SLC25A25: variants seen among roughly 807,000 people sequenced by gnomAD.
SLC25A25 encodes the protein solute carrier family 25 member 25, also known as mitochondrial adenyl nucleotide antiporter SLC25A25.
In SLC25A25, 32 loss-of-function variants were observed where a neutral mutation model predicts 57.7. The ratio of observed to expected loss-of-function variants is 0.55; its 90% CI spans 0.42 to 0.74. The LOEUF (loss-of-function observed/expected upper bound fraction) is 0.74. SLC25A25 is among the 30% of genes least tolerant of loss of function. SLC25A25 has a pLI of 0.00. For synonymous variants in SLC25A25, 306 were observed against 291.2 expected (o/e 1.05, Z -0.52); for missense variants, 556 against 701.3 (o/e 0.79, Z 2.34).
At chr9:128,072,779 G>A (rs139735056) in intron 1 of SLC25A25, among the ~76,000 whole-genome samples, 1 of 152,366 alleles carries the variant, frequency 6.6e-6, no homozygotes, top group Admixed American at 6.5e-5. Flanking sequence ...GACTCAGCCA[G>A]AGCTAATTAT....
intron 1 of SLC25A25, among the ~76,000 whole-genome samples, chr9:128,096,960 CTCT>C (rs1269035512): frequency 6.6e-6 from 1 of 152,230 alleles, no homozygotes; most frequent in Non-Finnish European, 1.5e-5. Flanking sequence ...GTTATCAGAT[CTCT>C]GTTAGAAGGC....
At chr9:128,083,227 CAAAA>C (rs1190331501) in intron 1 of SLC25A25, among the ~76,000 whole-genome samples, 2 of 62,820 alleles carry the variant, frequency 3.2e-5, no homozygotes, top group Non-Finnish European at 9.7e-5. Flanking sequence ...GACTCCGTCT[CAAAA>C]AAAAAAAATA....
chr9:128,076,339 C>T (rs1339935331), intron 1 of SLC25A25, among the ~76,000 whole-genome samples: 2 of 151,952 alleles, frequency 1.3e-5, no homozygotes, highest in African/African-American at 4.8e-5. Context: ...CTATGTTGCT[C>T]AGGCTGGTCT....
chr9:128,100,729 C>T, intron 1 of SLC25A25: 1 of 227,540 alleles, frequency 4.4e-6, no homozygotes, highest in Non-Finnish European at 8.7e-6. Flanking sequence ...GACGGCGCTG[C>T]AGCGAAGCCA....
In SLC25A25 at chr9:128,102,637, C is replaced by T. The variant is rs542105528; in HGVS notation, c.624+156C>T. Among the ~76,000 whole-genome samples, 8 of 152,280 alleles carry T rather than the reference C, an allele frequency of 5.3e-5. No homozygotes were observed. The South Asian group carries it at 1.0e-3, about 20-fold the overall frequency. ...CTTCTGCCAGCCCAGTAGAGCTGTC[C>T]GCATGTTCCCCATGTTCTGGCACTC... On this transcript the variant is annotated intron_variant, in intron 5 of 10. Coordinates refer to ENST00000373069, the MANE Select transcript of SLC25A25 (RefSeq NM_001330988.2). The surrounding 1 kb of genome is among the most constrained non-coding windows in gnomAD (Gnocchi z 4.1).
chr9:128,068,469 G>A lies in SLC25A25; in HGVS notation c.150G>A (p.Leu50=). 3 of 1,553,140 alleles carry A rather than the reference G, an allele frequency of 1.9e-6. No homozygotes were observed. The highest frequency in any genetic ancestry group is 1.9e-5 in the Admixed American group (1 of 53,176). ...GGGGCCCGGACCACCGGCTGCGCCT[G>A]TGGAGACTCTTTCAGACGCTCGACG... ...ICGGPDHRLR[L]WRLFQTLDVN... is the part of the protein sequence containing the mutation. The change falls in exon 1 of 11, where the codon CTG becomes CTA. Residue 50 remains leucine, a synonymous_variant. Transcript: ENST00000373069.
rs1588787221 is a variant in SLC25A25, at chr9:128,102,541, C to G, written c.624+60C>G. The G allele has an allele frequency of 1.5e-6, 2 of 1,360,312 alleles. No homozygotes were observed. The highest frequency in any genetic ancestry group is 2.1e-6 in the Non-Finnish European group (2 of 972,536). The allele number at this position is 1,360,312 out of a possible 1,614,324, so 84.3% of individuals were successfully genotyped here. A position where few individuals can be genotyped will look rare whatever the true frequency, so the allele number is the denominator to read the frequency against. On this transcript the variant is annotated intron_variant, in intron 5 of 10. Transcript: ENST00000373069. The surrounding 1 kb of genome is among the most constrained non-coding windows in gnomAD (Gnocchi z 4.1). ...CCAGGGACCCTTAGCCCAGAGTCAC[C>G]CAGTCGTCCCCATCCCAGAGTGCAG...
chr9:128,107,534 T>C lies in SLC25A25; in HGVS notation c.*90T>C, dbSNP rs993220460. The C allele has an allele frequency of 3.5e-6, 5 of 1,427,342 alleles. No individual in the cohort carries two copies. The African/African-American group carries it at 7.1e-5, about 20-fold the overall frequency. The allele number at this position is 1,427,342 out of a possible 1,614,324, so 88.4% of individuals were successfully genotyped here. A position where few individuals can be genotyped will look rare whatever the true frequency, so the allele number is the denominator to read the frequency against. ...TCTCATTCTGTGAATGTGCCAACACTAAGCTGTCTCGAGCCAAGCTGTGAA... is the reference window on the plus strand; with the variant it reads ...TCTCATTCTGTGAATGTGCCAACACCAAGCTGTCTCGAGCCAAGCTGTGAA... On this transcript the variant is annotated 3_prime_UTR_variant, in exon 11 of 11. Coordinates refer to ENST00000373069, the MANE Select transcript of SLC25A25 (RefSeq NM_001330988.2).
rs148609054 is a variant in SLC25A25 at position 128,106,283 on chromosome 9, C to CGGGCAGT, written c.1044+32_1044+38dup. The CGGGCAGT allele has an allele frequency of 8.5e-3, 13,742 of 1,614,002 alleles. 487 individuals carry two copies. In the African/African-American group the frequency reaches 0.11, roughly 13 times the overall value. On this transcript the variant is annotated intron_variant, in intron 8 of 10. Coordinates refer to ENST00000373069, the MANE Select transcript of SLC25A25 (RefSeq NM_001330988.2). ...GTGAGGGGCCGCCTGGGTCCTGGGG[C>CGGGCAGT]GGGCAGTGGGCACAGGACTGGGGAG... is the stretch of plus-strand genomic sequence containing the variant.
chr9:128,076,857 G>A (rs1833027307), intron 1 of SLC25A25, among the ~76,000 whole-genome samples: 1 of 152,178 alleles, frequency 6.6e-6, no homozygotes. Flanking sequence ...GGCCATCATG[G>A]TCACTAGCCA....
intron 1 of SLC25A25, among the ~76,000 whole-genome samples, chr9:128,077,495 C>T (rs1833043131): frequency 8.4e-6 from 1 of 118,822 alleles, no homozygotes; most frequent in African/African-American, 3.6e-5. Flanking sequence ...CCAGCCTGGG[C>T]GACAGAGCAA....
Position 128,107,436 on chromosome 9 carries a change from T to A in SLC25A25, c.1540T>A (p.Ser514Thr). 1.3e-6 allele frequency: 2 copies of A among 1,505,716 alleles called. No individual in the cohort carries two copies. The allele number at this position is 1,505,716 out of a possible 1,614,324, so 93.3% of individuals were successfully genotyped here. The part of the protein sequence containing the change: ...ENLKITLGVQ[S>T]R ...CCTGAAGATCACCCTGGGCGTGCAG[T>A]CGCGGTGACGGGGGGAGGGCCGCCC... The change falls in exon 11 of 11, where the codon TCG becomes ACG. Residue 514 changes from serine (S) to threonine (T), a missense_variant. Around this residue, in one of 3 missense-constraint regions of SLC25A25, gnomAD observed 294 missense variants for 389.6 expected, o/e 0.75. Transcript: ENST00000373069.
At chr9:128,074,435 G>A (rs575703886) in intron 1 of SLC25A25, among the ~76,000 whole-genome samples, 1 of 152,042 alleles carries the variant, frequency 6.6e-6, no homozygotes, top group Non-Finnish European at 1.5e-5. Flanking sequence ...AGGGCTGGGT[G>A]TGGTGGCTCA....
In SLC25A25 at chr9:128,103,855, G is replaced by A; in HGVS notation, c.783+16G>A. ...GCTCATGCAGGTATGTAGGGAAAAG[G>A]CCCCAGACCCCTGGGGGGCCAGTTT... On this transcript the variant is annotated intron_variant, in intron 6 of 10. Transcript: ENST00000373069. The surrounding 1 kb of genome is among the most constrained non-coding windows in gnomAD (Gnocchi z 6.7). 6.5e-7 allele frequency: 1 copy of A among 1,531,934 alleles called. No homozygotes were observed. The highest frequency in any genetic ancestry group is 8.8e-7 in the Non-Finnish European group (1 of 1,139,776). 94.9% of individuals were successfully genotyped at this position (1,531,934 alleles called of 1,614,324 possible).
At chr9:128,077,851 C>A (rs887890367) in intron 1 of SLC25A25, among the ~76,000 whole-genome samples, 2 of 152,044 alleles carry the variant, frequency 1.3e-5, no homozygotes, top group African/African-American at 2.4e-5. Context: ...CATGTAGAAA[C>A]CCCAGCTCTA....
chr9:128,076,527 G>A (rs374005525), intron 1 of SLC25A25, among the ~76,000 whole-genome samples: 2 of 148,634 alleles, frequency 1.3e-5, no homozygotes, highest in African/African-American at 5.0e-5. Context: ...GTGCAGTGGC[G>A]TGATCTCAGC....
At chr9:128,091,569 A>T in intron 1 of SLC25A25, 1 of 1,039,410 alleles carries the variant, frequency 9.6e-7, no homozygotes, top group Non-Finnish European at 1.2e-6. Flanking sequence ...TTTAAAAAAA[A>T]GCCAAACGTT....
In SLC25A25 at chr9:128,068,312, C is replaced by T; in HGVS notation, c.-8C>T. 4 of 1,386,958 alleles carry T rather than the reference C, an allele frequency of 2.9e-6. No individual in the cohort carries two copies. The South Asian group carries it at 4.9e-5, about 17-fold the overall frequency. The allele number at this position is 1,386,958 out of a possible 1,614,324, so 85.9% of individuals were successfully genotyped here. A position where few individuals can be genotyped will look rare whatever the true frequency, so the allele number is the denominator to read the frequency against. Reference sequence around the variant, plus strand: ...CCGCCCGCGCCCGGAGCCCCTGCCTCGCGCCCGATGGTGAGCAGTGTGTTG... The same window carrying T: ...CCGCCCGCGCCCGGAGCCCCTGCCTTGCGCCCGATGGTGAGCAGTGTGTTG... On this transcript the variant is annotated 5_prime_UTR_variant, in exon 1 of 11. Transcript: ENST00000373069.
chr9:128,107,256 G>T lies in SLC25A25; in HGVS notation c.1364-4G>T. 1.2e-6 allele frequency: 2 copies of T among 1,607,212 alleles called. No individual in the cohort carries two copies. Among genetic ancestry groups the T allele is most frequent in the Non-Finnish European group, 1.7e-6 (2 of 1,175,300 alleles). On this transcript the variant is annotated splice_polypyrimidine_tract_variant and splice_region_variant and intron_variant, in intron 10 of 10. Transcript: ENST00000373069. ...GCATCTGACTGGTGGCCTCCATCCTGCAGCCTCTATTGAGGGCGCTCCGGA... is the reference window on the plus strand; with the variant it reads ...GCATCTGACTGGTGGCCTCCATCCTTCAGCCTCTATTGAGGGCGCTCCGGA...
Sources: gnomAD v4.1 joint callset for allele counts (sites outside exome capture counted in the v4.1 genomes callset) on GRCh38, gnomAD v4.1.1 for gene constraint, gnomAD v4.1.1 regional missense constraint, Gnocchi (gnomAD v3.1) non-coding constraint, MANE v1.5 for transcripts, NCBI Gene and HGNC (gene_info 2026-07-23, HGNC 2026-07-21) for gene names.